The following SHROOM4 variants were observed in gnomAD, a reference collection of about 807,000 sequenced individuals.
SHROOM4 encodes shroom family member 4, also known as protein Shroom4.
In SHROOM4, 17 loss-of-function variants were observed where a neutral mutation model predicts 80.3. The observed-to-expected ratio is 0.21, with a 90% CI of 0.14 to 0.32. The LOEUF is 0.32. Among genes scored for constraint, SHROOM4 ranks in the 10% least tolerant of loss-of-function variants. The pLI is 1.00. For synonymous variants in SHROOM4, 400 were observed against 437.5 expected (o/e 0.91, Z 1.07); for missense variants, 993 against 1,140.3 (o/e 0.87, Z 1.86).
chrX:50,689,154 T>TA (rs1933157608), intron 2 of SHROOM4, among the ~76,000 whole-genome samples: 1 of 111,791 alleles, frequency 8.9e-6, no homozygotes, highest in African/African-American at 3.3e-5. Context: ...ATCTGATCAC[T>TA]ATACATTGCA....
At chrX:50,775,365 G>A (rs1271885663) in intron 1 of SHROOM4, among the ~76,000 whole-genome samples, 1 of 111,476 alleles carries the variant, frequency 9.0e-6, no homozygotes, top group Non-Finnish European at 1.9e-5. Context: ...CACCCAGCAA[G>A]CGAGGTCAGA....
chrX:50,695,340 T>A (rs945328354), intron 2 of SHROOM4, among the ~76,000 whole-genome samples: 9 of 111,564 alleles, frequency 8.1e-5, no homozygotes, highest in Admixed American at 5.7e-4. Flanking sequence ...GTATATTTTG[T>A]CCCCTGCTAG....
intron 2 of SHROOM4, among the ~76,000 whole-genome samples, chrX:50,640,244 C>A (rs975365851): frequency 4.5e-5 from 5 of 111,727 alleles, no homozygotes; most frequent in Non-Finnish European, 7.5e-5. Context: ...CTATTTCAAG[C>A]CTTTTTCCAT....
chrX:50,772,663 C>T lies in SHROOM4; in HGVS notation c.117+41239G>A, dbSNP rs781894568. On this transcript the variant is annotated intron_variant, in intron 1 of 8. Transcript: ENST00000376020. ...TTTCAAGGAAGCAGCACTATTAGAG[C>T]CTGATGCCAAAACCCAGGTGACCAA... Among the ~76,000 whole-genome samples, 493 of 112,022 alleles carry T rather than the reference C, an allele frequency of 4.4e-3. 4 individuals carry two copies. Among genetic ancestry groups the T allele is most frequent in the African/African-American group, 0.015 (462 of 30,849 alleles).
Position 50,596,851 on chromosome X carries a change from G to A in SHROOM4, c.4326C>T (p.Tyr1442=), listed in dbSNP as rs2147205836. 8.3e-7 allele frequency: 1 copy of A among 1,211,249 alleles called. No individual in the cohort carries two copies. The highest frequency in any genetic ancestry group is 1.1e-6 in the Non-Finnish European group (1 of 895,208). ...AATCTTGGAGCTGGTCCTGAGGCAG[G>A]TAGCGGGAGACCATGCCAAACACCA... is the stretch of plus-strand genomic sequence containing the variant. ...EKLVFGMVSR[Y]LPQDQLQDYQ... is the part of the protein sequence containing the mutation. Residue 1442 remains tyrosine (Y), a synonymous_variant, in exon 9 of 9, where the codon TAC becomes TAT. Transcript: ENST00000376020.
At chrX:50,643,098 C>A (rs2147320928) in intron 2 of SHROOM4, among the ~76,000 whole-genome samples, 1 of 111,596 alleles carries the variant, frequency 9.0e-6, no homozygotes, top group African/African-American at 3.3e-5. Flanking sequence ...TACGACCAAC[C>A]ATGCAGCTCT....
intron 2 of SHROOM4, among the ~76,000 whole-genome samples, chrX:50,686,379 C>T (rs921753517): frequency 9.0e-6 from 1 of 110,980 alleles, no homozygotes; most frequent in Non-Finnish European, 1.9e-5. Flanking sequence ...AAAATCAGTA[C>T]TGAAGGATAA....
chrX:50,722,380 T>C (rs1557265495), intron 1 of SHROOM4, among the ~76,000 whole-genome samples: 1 of 110,041 alleles, frequency 9.1e-6, no homozygotes, highest in Non-Finnish European at 1.9e-5. Flanking sequence ...GGTCCCTGAC[T>C]CTCAGGCCAG....
At chrX:50,728,573 C>A (rs1260116616) in intron 1 of SHROOM4, among the ~76,000 whole-genome samples, 1 of 111,637 alleles carries the variant, frequency 9.0e-6, no homozygotes, top group African/African-American at 3.3e-5. Context: ...GAAACACTGG[C>A]TGAACAATAG....
intron 2 of SHROOM4, among the ~76,000 whole-genome samples, chrX:50,665,121 A>C (rs1557260243): frequency 9.0e-6 from 1 of 111,606 alleles, no homozygotes; most frequent in Non-Finnish European, 1.9e-5. Flanking sequence ...ACTGAGACCT[A>C]GCTTCAAATC....
intron 1 of SHROOM4, among the ~76,000 whole-genome samples, chrX:50,780,020 C>T (rs1431261721): frequency 9.0e-6 from 1 of 111,528 alleles, no homozygotes; most frequent in Non-Finnish European, 1.9e-5. Context: ...CAGTGAGAAC[C>T]TCTTTGTGTG....
At chrX:50,605,565 G>T (rs1557248362) in intron 6 of SHROOM4, among the ~76,000 whole-genome samples, 1 of 112,723 alleles carries the variant, frequency 8.9e-6, no homozygotes, top group Non-Finnish European at 1.9e-5. Flanking sequence ...GCTACACAAA[G>T]AAGGAAGAAC....
chrX:50,797,967 G>A (rs1936049881), intron 1 of SHROOM4, among the ~76,000 whole-genome samples: 1 of 110,802 alleles, frequency 9.0e-6, no homozygotes, highest in African/African-American at 3.3e-5. Context: ...TAAAAATTTT[G>A]TTCCATGAAC....
intron 5 of SHROOM4, among the ~76,000 whole-genome samples, chrX:50,615,923 G>A (rs919413811): frequency 2.7e-5 from 3 of 112,465 alleles, no homozygotes; most frequent in African/African-American, 9.7e-5. Flanking sequence ...ACCTTATCAA[G>A]CTTCCTAATT....
At chrX:50,795,033 TATATCTCATATATATATG>T (rs1569549121) in intron 1 of SHROOM4, among the ~76,000 whole-genome samples, 318 of 9,615 alleles carry the variant, frequency 0.033, 21 homozygotes, top group African/African-American at 0.035. Context: ...ATATATCATA[TATATCTCATATATATATG>T]ATATATATAT....
Position 50,610,352 on chromosome X carries a change from T to TCACACACACACA in SHROOM4, c.2958-2180_2958-2169dup, listed in dbSNP as rs1557249589. 1.3e-3 allele frequency among the ~76,000 whole-genome samples: 116 copies of TCACACACACACA among 91,699 alleles called. No homozygotes were observed. The East Asian group carries it at 0.016, about 13-fold the overall frequency. 79.6% of individuals were successfully genotyped at this position (91,699 alleles called of 115,157 possible). ...GGCATATTCTCTCTCTCTCTCTCTC[T>TCACACACACACA]CACACACACACACACACACACACAC... On this transcript the variant is annotated intron_variant, in intron 5 of 8. Coordinates refer to ENST00000376020, the MANE Select transcript of SHROOM4 (RefSeq NM_020717.5).
At chrX:50,726,063 G>A (rs1216256722) in intron 1 of SHROOM4, among the ~76,000 whole-genome samples, 1 of 111,901 alleles carries the variant, frequency 8.9e-6, no homozygotes. Context: ...TTGGGAACTG[G>A]AGCAAAGGTC....
At chrX:50,578,507 G>A in the SHROOM4 span, among the ~76,000 whole-genome samples, 1 of 111,192 alleles carries the variant, frequency 9.0e-6, no homozygotes. Flanking sequence ...GGGTTTCACC[G>A]TGTTAGCCAG....
At chrX:50,730,335 G>C (rs1210040616) in intron 1 of SHROOM4, among the ~76,000 whole-genome samples, 8 of 111,010 alleles carry the variant, frequency 7.2e-5, no homozygotes, top group African/African-American at 2.6e-4. Flanking sequence ...GCTGAGGCAG[G>C]AGAATTGCTT....
Sources: allele counts gnomAD v4.1 joint callset (sites outside exome capture counted in the v4.1 genomes callset), GRCh38; gene constraint gnomAD v4.1.1; transcripts MANE v1.5; gene names NCBI Gene and HGNC (gene_info 2026-07-23, HGNC 2026-07-21).